Variants in DNAJC16 observed in about 807,000 individuals in gnomAD.
DNAJC16 encodes DnaJ heat shock protein family (Hsp40) member C16, also known as dnaJ homolog subfamily C member 16.
A neutral mutation model predicts 92.7 loss-of-function variants in DNAJC16; 76 were observed. That is an observed-to-expected ratio of 0.82 (90% CI 0.68 to 0.99). The LOEUF is 0.99. DNAJC16 is among the 50% of genes least tolerant of loss of function. DNAJC16 has a pLI of 0.00. For synonymous variants in DNAJC16, 328 were observed against 358.7 expected (o/e 0.91, Z 0.97); for missense variants, 869 against 942.4 (o/e 0.92, Z 1.02).
At chr1:15,537,427 T>C (rs1401404225) in intron 4 of DNAJC16, among the ~76,000 whole-genome samples, 3 of 152,152 alleles carry the variant, frequency 2.0e-5, no homozygotes, top group Non-Finnish European at 4.4e-5. Flanking sequence ...ACCATTTGGT[T>C]GAAGAGAAAA....
At chr1:15,541,330 T>C (rs1442946206) in intron 4 of DNAJC16, among the ~76,000 whole-genome samples, 2 of 152,232 alleles carry the variant, frequency 1.3e-5, no homozygotes, top group Non-Finnish European at 1.5e-5. Flanking sequence ...CATTGTTCCA[T>C]AGTTATTTTT....
rs1199277074 is a variant in DNAJC16 at position 15,536,617 on chromosome 1, T to C, written c.377T>C (p.Phe126Ser). 6 of 1,614,172 alleles carry C rather than the reference T, an allele frequency of 3.7e-6. No individual in the cohort carries two copies. In the Admixed American group the frequency reaches 5.0e-5, roughly 13 times the overall value. The change falls in exon 4 of 15, where the codon TTT becomes TCT. Residue 126 changes from phenylalanine (F) to serine (S), a missense_variant. Phe to Ser is a radical substitution (Grantham distance 155). Coordinates refer to ENST00000375847, the MANE Select transcript of DNAJC16 (RefSeq NM_015291.4). ...AATTTTTATTTTGATGAATCCTTTT[T>C]TCACTTCCCTTTTAATTCTGAACGG... ...HENFYFDESFFHFPFNSERRD... is the reference protein window; with the variant it reads ...HENFYFDESFSHFPFNSERRD...
rs376571392 is a variant in DNAJC16 at position 15,567,975 on chromosome 1, C to T, written c.2147C>T (p.Thr716Ile). The T allele has an allele frequency of 4.3e-6, 7 of 1,614,120 alleles. No homozygotes were observed. The highest frequency in any genetic ancestry group is 5.1e-6 in the Non-Finnish European group (6 of 1,180,048). ...KYFCLFKPQKTVEEEEAIGSC... is the reference protein window; with the variant it reads ...KYFCLFKPQKIVEEEEAIGSC... ...TTCTGCCTCTTCAAGCCCCAAAAGA[C>T]AGTCGAAGAGGAGGAAGCCATAGGG... is the stretch of plus-strand genomic sequence containing the variant. The change falls in exon 15 of 15, where the codon ACA becomes ATA. Residue 716 changes from threonine (T) to isoleucine (I), a missense_variant. Coordinates refer to ENST00000375847, the MANE Select transcript of DNAJC16 (RefSeq NM_015291.4).
intron 3 of DNAJC16, among the ~76,000 whole-genome samples, chr1:15,535,085 G>C (rs1258115003): frequency 1.3e-5 from 2 of 152,188 alleles, no homozygotes; most frequent in African/African-American, 4.8e-5. Flanking sequence ...TTAGCTCATA[G>C]AATAACACGT....
chr1:15,558,032 G>A (rs1285248746), intron 7 of DNAJC16, among the ~76,000 whole-genome samples: 4 of 151,512 alleles, frequency 2.6e-5, no homozygotes, highest in African/African-American at 7.3e-5. Context: ...GGCCACGCCT[G>A]GCTAATTTTT....
chr1:15,562,042 A>G lies in DNAJC16; in HGVS notation c.1155-100A>G, dbSNP rs539193066. 76 of 1,265,008 alleles carry G rather than the reference A, an allele frequency of 6.0e-5. No homozygotes were observed. In the Middle Eastern group the frequency reaches 2.9e-3, roughly 48 times the overall value. 78.4% of individuals were successfully genotyped at this position (1,265,008 alleles called of 1,614,324 possible). A position where few individuals can be genotyped will look rare whatever the true frequency, so the allele number is the denominator to read the frequency against. On this transcript the variant is annotated intron_variant, in intron 8 of 14. Coordinates refer to ENST00000375847, the MANE Select transcript of DNAJC16 (RefSeq NM_015291.4). ...CACTGGGCACAGTGTATTCACTTCCATAAGATGAGCTCCTCGTCTTCTTCA... is the reference window on the plus strand; with the variant it reads ...CACTGGGCACAGTGTATTCACTTCCGTAAGATGAGCTCCTCGTCTTCTTCA...
At chr1:15,540,560 C>T (rs902071865) in intron 4 of DNAJC16, among the ~76,000 whole-genome samples, 3 of 152,086 alleles carry the variant, frequency 2.0e-5, no homozygotes, top group Admixed American at 6.6e-5. Context: ...TGGGACTTCA[C>T]CTCTCCATGT....
chr1:15,561,145 C>T (rs910355848), intron 8 of DNAJC16, among the ~76,000 whole-genome samples: 2 of 151,326 alleles, frequency 1.3e-5, no homozygotes, highest in African/African-American at 4.9e-5. Flanking sequence ...CTTGTTGATA[C>T]CTGTCATAAT....
At chr1:15,546,389 T>TGATA (rs770114296) in intron 5 of DNAJC16, among the ~76,000 whole-genome samples, 12 of 152,134 alleles carry the variant, frequency 7.9e-5, no homozygotes, top group South Asian at 2.1e-4. Flanking sequence ...GATAGATAGA[T>TGATA]GATAGATAGA....
At chr1:15,543,442 G>A (rs936437107) in intron 4 of DNAJC16, among the ~76,000 whole-genome samples, 3 of 152,358 alleles carry the variant, frequency 2.0e-5, no homozygotes, top group Admixed American at 6.5e-5. Context: ...GGGGACTGGC[G>A]CAGGCTGTTG....
At chr1:15,545,450 C>T (rs1213576755) in intron 5 of DNAJC16, among the ~76,000 whole-genome samples, 1 of 152,178 alleles carries the variant, frequency 6.6e-6, no homozygotes, top group Non-Finnish European at 1.5e-5. Context: ...TAAAATATCT[C>T]TTCTGTGCCC....
At chr1:15,535,929 C>T (rs1377826217) in intron 3 of DNAJC16, among the ~76,000 whole-genome samples, 7 of 150,496 alleles carry the variant, frequency 4.7e-5, no homozygotes, top group Admixed American at 6.6e-5. Flanking sequence ...CATGCCTGGC[C>T]GATTTTTTTT....
chr1:15,563,534 A>G (rs57238793), intron 9 of DNAJC16, among the ~76,000 whole-genome samples: 32,041 of 149,890 alleles, frequency 0.21, 3,637 homozygotes, highest in Middle Eastern at 0.24. Context: ...TGTCTCAAAA[A>G]ACAAACAACT....
At chr1:15,539,238 A>AT (rs1408699349) in intron 4 of DNAJC16, among the ~76,000 whole-genome samples, 4 of 138,566 alleles carry the variant, frequency 2.9e-5, no homozygotes, top group African/African-American at 1.2e-4. Flanking sequence ...ATGCCTTTTT[A>AT]TTTTATTTTT....
chr1:15,562,868 A>G (rs886478529), intron 9 of DNAJC16, among the ~76,000 whole-genome samples: 1 of 151,154 alleles, frequency 6.6e-6, no homozygotes, highest in Non-Finnish European at 1.5e-5. Context: ...CATGTTTTCT[A>G]TCAGTGAACG....
intron 11 of DNAJC16, 100 bp downstream of exon 11, chr1:15,564,459 C>T: frequency 1.2e-6 from 1 of 806,914 alleles, no homozygotes; most frequent in Non-Finnish European, 2.2e-6. Flanking sequence ...TCAAGGTACA[C>T]TTGATGGGGC....
chr1:15,553,863 A>G (rs1638508080), intron 7 of DNAJC16, among the ~76,000 whole-genome samples: 1 of 151,970 alleles, frequency 6.6e-6, no homozygotes, highest in Non-Finnish European at 1.5e-5. Flanking sequence ...TATGTTTTTG[A>G]GATTCATACA....
At chr1:15,545,591 G>A (rs1638283165) in intron 5 of DNAJC16, among the ~76,000 whole-genome samples, 1 of 152,184 alleles carries the variant, frequency 6.6e-6, no homozygotes, top group Non-Finnish European at 1.5e-5. Flanking sequence ...TGGGTTGCAG[G>A]CAGGCAGAAA....
At chr1:15,567,471 A>T (rs1203887941) in intron 14 of DNAJC16, among the ~76,000 whole-genome samples, 2 of 152,124 alleles carry the variant, frequency 1.3e-5, no homozygotes, top group African/African-American at 2.4e-5. Context: ...GTTGGTTCTG[A>T]ACAGAAAAGC....
Sources: allele counts gnomAD v4.1 joint callset (sites outside exome capture counted in the v4.1 genomes callset), GRCh38; gene constraint gnomAD v4.1.1; transcripts MANE v1.5; gene names NCBI Gene and HGNC (gene_info 2026-07-23, HGNC 2026-07-21).